The following EPG5 variants were observed in gnomAD, a reference collection of about 807,000 sequenced individuals.
EPG5 encodes ectopic P granules protein 5 homolog.
EPG5 carries 159 observed loss-of-function variants against 302.7 expected under a neutral mutation model. That is an observed-to-expected ratio of 0.53 (90% CI 0.46 to 0.60). The LOEUF (loss-of-function observed/expected upper bound fraction) is 0.60, where lower values mean the gene tolerates loss of function less well. EPG5 is among the 20% of genes least tolerant of loss of function. The pLI is 0.00. For synonymous variants in EPG5, 1,158 were observed against 1,136.8 expected (o/e 1.02, Z -0.37); for missense variants, 2,896 against 3,092.4 (o/e 0.94, Z 1.51).
the EPG5 span, among the ~76,000 whole-genome samples, chr18:45,822,160 A>G: frequency 6.6e-6 from 1 of 152,218 alleles, no homozygotes. Flanking sequence ...GGTGTCCACC[A>G]TCAGATGAAT....
chr18:45,878,008 A>G (rs1222640495), intron 34 of EPG5, among the ~76,000 whole-genome samples: 1 of 152,240 alleles, frequency 6.6e-6, no homozygotes, highest in East Asian at 1.9e-4. Flanking sequence ...ATAATTTTAT[A>G]GCCAACTTAG....
At chr18:45,898,902 G>A (rs2145571139) in intron 27 of EPG5, among the ~76,000 whole-genome samples, 1 of 152,334 alleles carries the variant, frequency 6.6e-6, no homozygotes, top group East Asian at 1.9e-4. Flanking sequence ...CGAGGCGGGT[G>A]GATCACCAGG....
In EPG5 at chr18:45,954,940, A is replaced by T; in HGVS notation, c.462T>A (p.Ser154Arg). The T allele has an allele frequency of 6.2e-7, 1 of 1,613,752 alleles. No individual in the cohort carries two copies. The highest frequency in any genetic ancestry group is 8.5e-7 in the Non-Finnish European group (1 of 1,179,924). ...NMSVQGGLSE[S>R]APQSNFSYTQ... ...TATAAGAAAAATTAGATTGGGGTGC[A>T]CTTTCTGAAAGTCCACCTTGTACCG... Residue 154 changes from serine (S) to arginine (R), a missense_variant, in exon 2 of 44, where the codon AGT becomes AGA. Transcript: ENST00000282041.
intron 16 of EPG5, among the ~76,000 whole-genome samples, chr18:45,920,953 T>G (rs1430323476): frequency 6.6e-6 from 1 of 152,164 alleles, no homozygotes; most frequent in Admixed American, 6.5e-5. Context: ...CAATCCAGGG[T>G]GTACATTAGA....
chr18:45,853,024 G>A (rs1377726199), intron 43 of EPG5, among the ~76,000 whole-genome samples: 3 of 152,224 alleles, frequency 2.0e-5, no homozygotes, highest in Non-Finnish European at 4.4e-5. Context: ...AGTCCCACCT[G>A]TGGGGTCCTC....
the EPG5 span, among the ~76,000 whole-genome samples, chr18:45,815,071 T>C: frequency 6.6e-6 from 1 of 152,152 alleles, no homozygotes; most frequent in Admixed American, 6.5e-5. Flanking sequence ...GAGCTTACAG[T>C]TGGGTAGACC....
Position 45,879,012 on chromosome 18 carries a change from C to A in EPG5, c.5869+1G>T. 1 of 1,613,578 alleles carries A rather than the reference C, an allele frequency of 6.2e-7. No homozygotes were observed. Among genetic ancestry groups the A allele is most frequent in the Non-Finnish European group, 8.5e-7 (1 of 1,179,542 alleles). Reference sequence around the variant, plus strand: ...TCCACATCGCATGAGAAGTATATTACCTGTTTTCCTGCTGGCAGTTGGGTC... The same window carrying A: ...TCCACATCGCATGAGAAGTATATTAACTGTTTTCCTGCTGGCAGTTGGGTC... On this transcript the variant is annotated splice_donor_variant, in intron 33 of 43. Transcript: ENST00000282041. LOFTEE classifies it high-confidence loss of function.
chr18:45,820,667 A>ATTC, the EPG5 span, among the ~76,000 whole-genome samples: 4 of 152,110 alleles, frequency 2.6e-5, no homozygotes, highest in Non-Finnish European at 5.9e-5. Context: ...ATCTTCATCA[A>ATTC]ATCAAACCTG....
chr18:45,868,778 G>A (rs758500860), intron 36 of EPG5, among the ~76,000 whole-genome samples: 110 of 151,714 alleles, frequency 7.3e-4, no homozygotes, highest in South Asian at 1.9e-3. Flanking sequence ...ATGAGAGGCC[G>A]GGTGCAGTGG....
chr18:45,941,285 G>A (rs184089394), intron 9 of EPG5, among the ~76,000 whole-genome samples: 88 of 152,292 alleles, frequency 5.8e-4, no homozygotes, highest in African/African-American at 2.0e-3. Flanking sequence ...AACTAACTAC[G>A]AGAAAGGCTG....
chr18:45,940,687 T>C (rs1359234314), intron 9 of EPG5, among the ~76,000 whole-genome samples: 1 of 151,734 alleles, frequency 6.6e-6, no homozygotes. Context: ...ATTTTCCCTA[T>C]GTTAGTGGCA....
intron 10 of EPG5, among the ~76,000 whole-genome samples, chr18:45,937,411 T>C (rs534691790): frequency 1.5e-3 from 222 of 151,318 alleles, no homozygotes; most frequent in African/African-American, 5.0e-3. Context: ...CACACACACA[T>C]ATATATATAT....
chr18:45,958,013 G>A (rs1444100196), intron 1 of EPG5, among the ~76,000 whole-genome samples: 1 of 152,128 alleles, frequency 6.6e-6, no homozygotes, highest in Non-Finnish European at 1.5e-5. Context: ...GCTGAGGCAG[G>A]GTCAGTATGG....
the EPG5 span, among the ~76,000 whole-genome samples, chr18:45,830,583 C>CTTTCTTTT: frequency 1.0e-5 from 1 of 96,702 alleles, no homozygotes; most frequent in South Asian, 3.7e-4. Flanking sequence ...ATTTTTCTTT[C>CTTTCTTTT]TTTTTTTTTT....
the EPG5 span, among the ~76,000 whole-genome samples, chr18:45,833,572 C>T: frequency 5.9e-5 from 9 of 152,178 alleles, no homozygotes; most frequent in Non-Finnish European, 1.2e-4. Flanking sequence ...CTTGGCCTCC[C>T]AAAGTGCTGG....
At chr18:45,856,064 T>G (rs2048510399) in intron 42 of EPG5, among the ~76,000 whole-genome samples, 1 of 152,122 alleles carries the variant, frequency 6.6e-6, no homozygotes, top group Admixed American at 6.5e-5. Context: ...CACAAAAAAC[T>G]AAAAACAGAT....
intron 25 of EPG5, among the ~76,000 whole-genome samples, chr18:45,902,063 G>A (rs1466246746): frequency 2.0e-5 from 3 of 152,154 alleles, no homozygotes; most frequent in Non-Finnish European, 4.4e-5. Context: ...AGTGGTCAAG[G>A]GAATTTCAAG....
intron 42 of EPG5, among the ~76,000 whole-genome samples, chr18:45,856,970 G>GC (rs1323401694): frequency 6.6e-6 from 1 of 151,966 alleles, no homozygotes; most frequent in African/African-American, 2.4e-5. Context: ...CCAGGCTGGA[G>GC]TGCAATGGTG....
the EPG5 span, chr18:45,837,742 C>A: frequency 6.6e-7 from 1 of 1,511,578 alleles, no homozygotes; most frequent in East Asian, 2.7e-5. Flanking sequence ...ACGGCCGCTT[C>A]CGGCTGCTGG....
Sources: allele counts gnomAD v4.1 joint callset (sites outside exome capture counted in the v4.1 genomes callset), GRCh38; gene constraint gnomAD v4.1.1; transcripts MANE v1.5; gene names NCBI Gene and HGNC (gene_info 2026-07-23, HGNC 2026-07-21).